The following DPP10 variants were observed in gnomAD, a reference collection of about 807,000 sequenced individuals.
DPP10 encodes dipeptidyl peptidase like 10.
In DPP10, 33 loss-of-function variants were observed where a neutral mutation model predicts 120.9. The observed-to-expected ratio is 0.27, with a 90% CI of 0.21 to 0.37. The LOEUF (loss-of-function observed/expected upper bound fraction) is 0.37. DPP10 is among the 10% of genes least tolerant of loss of function. DPP10 has a pLI of 1.00. For synonymous variants in DPP10, 337 were observed against 326.1 expected (o/e 1.03, Z -0.36); for missense variants, 816 against 942.8 (o/e 0.87, Z 1.76).
intron 5 of DPP10, among the ~76,000 whole-genome samples, chr2:115,661,103 C>A (rs1361062445): frequency 1.3e-5 from 2 of 152,004 alleles, no homozygotes; most frequent in Admixed American, 1.3e-4. Flanking sequence ...GTGCCCACCA[C>A]CCCACCCAGC....
At chr2:114,497,164 C>CACGTGTATACATGTGT (rs1294139908) in intron 1 of DPP10, among the ~76,000 whole-genome samples, 1 of 145,936 alleles carries the variant, frequency 6.9e-6, no homozygotes, top group Non-Finnish European at 1.5e-5. Flanking sequence ...TGTAGGTGTA[C>CACGTGTATACATGTGT]ACGTGTATAC....
chr2:114,535,215 C>T (rs895126351), intron 1 of DPP10, among the ~76,000 whole-genome samples: 2 of 152,062 alleles, frequency 1.3e-5, no homozygotes, highest in African/African-American at 4.8e-5. Flanking sequence ...TAAGCTTTCA[C>T]CTATTTAACA....
At chr2:115,212,399 G>C (rs763047904) in intron 1 of DPP10, among the ~76,000 whole-genome samples, 1 of 152,200 alleles carries the variant, frequency 6.6e-6, no homozygotes, top group Non-Finnish European at 1.5e-5. Context: ...ACTCACATTA[G>C]AGATGGCCTT....
chr2:114,674,167 T>C (rs545689804), intron 1 of DPP10, among the ~76,000 whole-genome samples: 32 of 150,446 alleles, frequency 2.1e-4, no homozygotes, highest in African/African-American at 7.2e-4. Context: ...TGTTAAAATA[T>C]TTATATACAT....
intron 1 of DPP10, among the ~76,000 whole-genome samples, chr2:115,024,320 G>A (rs1432986255): frequency 6.6e-6 from 1 of 151,934 alleles, no homozygotes; most frequent in African/African-American, 2.4e-5. Context: ...TGTGAATATT[G>A]ATACGGTTGC....
intron 5 of DPP10, among the ~76,000 whole-genome samples, chr2:115,530,446 AC>A (rs2078392042): frequency 6.6e-6 from 1 of 152,022 alleles, no homozygotes; most frequent in Non-Finnish European, 1.5e-5. Flanking sequence ...TGAAGAGCAG[AC>A]AGCTAAAAAT....
intron 5 of DPP10, among the ~76,000 whole-genome samples, chr2:115,682,976 C>CT (rs2090756841): frequency 1.3e-5 from 2 of 151,812 alleles, no homozygotes; most frequent in African/African-American, 4.8e-5. Flanking sequence ...CTTTATTATA[C>CT]ATCTTGTGTG....
At chr2:114,865,915 C>G (rs1690187903) in intron 1 of DPP10, among the ~76,000 whole-genome samples, 1 of 151,992 alleles carries the variant, frequency 6.6e-6, no homozygotes, top group South Asian at 2.1e-4. Context: ...GAGTTCAAGA[C>G]CAGCCTGACC....
At chr2:114,843,531 T>C (rs2106458207) in intron 1 of DPP10, among the ~76,000 whole-genome samples, 1 of 152,282 alleles carries the variant, frequency 6.6e-6, no homozygotes, top group South Asian at 2.1e-4. Context: ...TGGCTTATTT[T>C]TAGAATGTGT....
chr2:114,510,969 T>G (rs1281229125), intron 1 of DPP10, among the ~76,000 whole-genome samples: 1 of 152,220 alleles, frequency 6.6e-6, no homozygotes, highest in East Asian at 1.9e-4. Flanking sequence ...AGTATGTGGT[T>G]TAAAGCATTA....
At chr2:114,718,640 G>T (rs1032487519) in intron 1 of DPP10, among the ~76,000 whole-genome samples, 1 of 152,044 alleles carries the variant, frequency 6.6e-6, no homozygotes, top group Non-Finnish European at 1.5e-5. Context: ...CCACAGTTTC[G>T]TTAAACAAAT....
chr2:115,730,451 G>A (rs887606086), intron 8 of DPP10, among the ~76,000 whole-genome samples: 9 of 152,084 alleles, frequency 5.9e-5, no homozygotes, highest in African/African-American at 1.9e-4. Context: ...GCAGCAATGC[G>A]GGCATTGAAC....
At chr2:114,931,693 G>C (rs899285085) in intron 1 of DPP10, among the ~76,000 whole-genome samples, 4 of 152,186 alleles carry the variant, frequency 2.6e-5, no homozygotes, top group South Asian at 2.1e-4. Flanking sequence ...TAGGAGTATA[G>C]ACCAACATTA....
At chr2:115,392,017 T>C (rs759832909) in intron 3 of DPP10, among the ~76,000 whole-genome samples, 28 of 152,246 alleles carry the variant, frequency 1.8e-4, no homozygotes, top group Non-Finnish European at 2.4e-4. Context: ...ACTTGTATTT[T>C]CCAGGACAAA....
At chr2:115,425,289 A>G (rs889320538) in intron 3 of DPP10, among the ~76,000 whole-genome samples, 1 of 152,196 alleles carries the variant, frequency 6.6e-6, no homozygotes, top group African/African-American at 2.4e-5. Flanking sequence ...GGCATTAAAA[A>G]TGATTTTGAA....
intron 5 of DPP10, among the ~76,000 whole-genome samples, chr2:115,674,699 A>C (rs545260345): frequency 4.0e-4 from 61 of 152,326 alleles, no homozygotes; most frequent in South Asian, 8.3e-4. Context: ...CTGAATATGC[A>C]TGAAGTGATT....
chr2:115,240,404 T>C (rs904521882), intron 1 of DPP10, among the ~76,000 whole-genome samples: 3 of 152,248 alleles, frequency 2.0e-5, no homozygotes, highest in African/African-American at 7.2e-5. Flanking sequence ...ATGTCTTCTT[T>C]TGAGAAGTAT....
At chr2:115,720,878 C>G (rs930672889) in intron 7 of DPP10, among the ~76,000 whole-genome samples, 2 of 152,092 alleles carry the variant, frequency 1.3e-5, no homozygotes, top group Non-Finnish European at 2.9e-5. Flanking sequence ...ATTTTGAAGC[C>G]AGTGTTTTGT....
intron 1 of DPP10, among the ~76,000 whole-genome samples, chr2:115,060,998 C>G (rs975663212): frequency 1.3e-5 from 2 of 152,146 alleles, no homozygotes; most frequent in African/African-American, 4.8e-5. Context: ...ATTTGAAAAT[C>G]CTTGTAATGC....
Sources: gnomAD v4.1 joint callset for allele counts (sites outside exome capture counted in the v4.1 genomes callset) on GRCh38, gnomAD v4.1.1 for gene constraint, MANE v1.5 for transcripts, NCBI Gene and HGNC (gene_info 2026-07-23, HGNC 2026-07-21) for gene names.